MYO6: variants seen among roughly 807,000 people sequenced by gnomAD.
MYO6 encodes unconventional myosin-VI.
Under a neutral mutation model 178.7 loss-of-function variants are expected in MYO6, and 74 were observed. The ratio of observed to expected loss-of-function variants is 0.41; its 90% CI spans 0.34 to 0.50. The LOEUF is 0.50. Ranked by LOEUF, MYO6 falls within the 20% of genes least tolerant of loss-of-function variation. MYO6 has a pLI of 0.09. For synonymous variants in MYO6, 477 were observed against 504.6 expected, an observed-to-expected ratio of 0.95 and a Z score of 0.73; for missense variants, 1,330 against 1,547.4, an observed-to-expected ratio of 0.86 and a Z score of 2.36.
intron 1 of MYO6, among the ~76,000 whole-genome samples, chr6:75,803,680 A>T (rs1229812683): frequency 1.3e-5 from 2 of 152,072 alleles, no homozygotes; most frequent in African/African-American, 4.8e-5. Context: ...TAATGTTCAG[A>T]TATTTTCTTC....
rs775414466 is a variant in MYO6 at position 75,890,180 on chromosome 6, C to T, written c.2782C>T (p.Arg928Cys). ...QQEEEAERLR[R>C]IQEEMEKERK... Reference sequence around the variant, plus strand: ...GGAAGAGGAAGCAGAAAGGCTGAGGCGTATTCAAGAAGAAATGGAAAAGGA... The same window carrying T: ...GGAAGAGGAAGCAGAAAGGCTGAGGTGTATTCAAGAAGAAATGGAAAAGGA... Residue 928 changes from arginine to cysteine, a missense_variant, in exon 26 of 35, where the codon CGT becomes TGT. By Grantham distance (180) the Arg-to-Cys change is radical. Transcript: ENST00000369977. 1.6e-5 allele frequency: 26 copies of T among 1,608,358 alleles called. No individual in the cohort carries two copies. Among genetic ancestry groups the T allele is most frequent in the African/African-American group, 2.7e-5 (2 of 74,150 alleles).
chr6:75,873,955 A>G (rs1406824169), intron 20 of MYO6, among the ~76,000 whole-genome samples: 20 of 151,906 alleles, frequency 1.3e-4, no homozygotes, highest in Admixed American at 1.3e-3. Context: ...CTCCCTTCTC[A>G]CCAACACTAC....
rs542656902 is a variant in MYO6 at position 75,813,784 on chromosome 6, C to A, written c.-47-3717C>A. On this transcript the variant is annotated intron_variant, in intron 1 of 34. Coordinates refer to ENST00000369977, the MANE Select transcript of MYO6 (RefSeq NM_004999.4). Reference sequence around the variant, plus strand: ...TCTGCTGGGACTGGGTTCTTCCCCCCAAATCAGTGAGTTATCTTCTGCCTA... The same window carrying A: ...TCTGCTGGGACTGGGTTCTTCCCCCAAAATCAGTGAGTTATCTTCTGCCTA... 2.0e-5 allele frequency among the ~76,000 whole-genome samples: 3 copies of A among 152,232 alleles called. No homozygotes were observed. The East Asian group carries it at 5.8e-4, about 29-fold the overall frequency.
At chr6:75,771,556 C>T (rs1341469183) in intron 1 of MYO6, among the ~76,000 whole-genome samples, 1 of 152,052 alleles carries the variant, frequency 6.6e-6, no homozygotes, top group Non-Finnish European at 1.5e-5. Context: ...AAGATAGATC[C>T]TAAACAATTA....
intron 1 of MYO6, among the ~76,000 whole-genome samples, chr6:75,761,365 G>T (rs1777928804): frequency 6.6e-6 from 1 of 152,112 alleles, no homozygotes; most frequent in Admixed American, 6.6e-5. Context: ...ATGACCAGCT[G>T]TCACGACAGA....
intron 2 of MYO6, among the ~76,000 whole-genome samples, chr6:75,819,410 AATT>A (rs1426045851): frequency 3.3e-5 from 5 of 152,212 alleles, no homozygotes; most frequent in African/African-American, 4.8e-5. Flanking sequence ...GCTTCAAAAT[AATT>A]ATTAAGGAAT....
intron 1 of MYO6, among the ~76,000 whole-genome samples, chr6:75,802,312 T>C (rs1769549280): frequency 6.6e-6 from 1 of 151,504 alleles, no homozygotes; most frequent in Non-Finnish European, 1.5e-5. Context: ...CTACTAAAAA[T>C]ACAAAAATTA....
chr6:75,828,895 C>T (rs1302134702), intron 4 of MYO6, among the ~76,000 whole-genome samples: 2 of 151,964 alleles, frequency 1.3e-5, no homozygotes, highest in Admixed American at 6.6e-5. Context: ...TAAAAATGTC[C>T]AGTTTGAGTA....
At chr6:75,837,972 C>T (rs1773816267) in intron 7 of MYO6, among the ~76,000 whole-genome samples, 1 of 152,180 alleles carries the variant, frequency 6.6e-6, no homozygotes, top group African/African-American at 2.4e-5. Flanking sequence ...CCAGTTTCTT[C>T]CCCAGTAATG....
chr6:75,801,587 G>A (rs1417753023), intron 1 of MYO6, among the ~76,000 whole-genome samples: 2 of 152,056 alleles, frequency 1.3e-5, no homozygotes, highest in African/African-American at 4.8e-5. Flanking sequence ...GTAGAATACT[G>A]TCTTCAAAGC....
chr6:75,798,970 C>A (rs567771562), intron 1 of MYO6, among the ~76,000 whole-genome samples: 3 of 152,296 alleles, frequency 2.0e-5, no homozygotes, highest in Admixed American at 1.3e-4. Flanking sequence ...GACGTTCAAG[C>A]TGAAAGTCAA....
rs901807551 is a variant in MYO6 at position 75,782,460 on chromosome 6, C to T, written c.-48+33037C>T. Among the ~76,000 whole-genome samples, 4 of 151,380 alleles carry T rather than the reference C, an allele frequency of 2.6e-5. 1 individual carries two copies. In the South Asian group the frequency reaches 6.3e-4, roughly 24 times the overall value. On this transcript the variant is annotated intron_variant, in intron 1 of 34. Transcript: ENST00000369977. ...GCATGAAAGTATTTTTTTTGTCATT[C>T]TTTATAGCTGGTTAAAAGGAAAAAT...
chr6:75,857,509 A>C (rs191551872), intron 13 of MYO6, among the ~76,000 whole-genome samples: 1 of 152,300 alleles, frequency 6.6e-6, no homozygotes, highest in African/African-American at 2.4e-5. Flanking sequence ...AGAGTTAAGG[A>C]TATCTCTATA....
chr6:75,878,076 C>T (rs1156576385), intron 20 of MYO6, among the ~76,000 whole-genome samples: 7 of 152,050 alleles, frequency 4.6e-5, no homozygotes, highest in African/African-American at 1.4e-4. Context: ...TTTCCCCATA[C>T]GAATGATTTC....
chr6:75,865,920 A>G (rs1776626364), intron 16 of MYO6, among the ~76,000 whole-genome samples: 2 of 152,172 alleles, frequency 1.3e-5, no homozygotes, highest in South Asian at 4.1e-4. Context: ...ATGATTTGAT[A>G]TAAATGGTAT....
Position 75,914,082 on chromosome 6 carries a change from T to C in MYO6, c.3459T>C (p.Ala1153=), listed in dbSNP as rs1179288988. Residue 1153 remains alanine (A), a synonymous_variant, in exon 34 of 35, where the codon GCT becomes GCC. Transcript: ENST00000369977. ...TAATAGCTCAGCAAAACCCAGCAGC[T>C]CAGATTCCTGCCAGGCAGCGGGAGA... ...LNNSPQQNPA[A]QIPARQREIE... 6.2e-7 allele frequency: 1 copy of C among 1,614,126 alleles called. No individual in the cohort carries two copies. Among genetic ancestry groups the C allele is most frequent in the South Asian group, 1.1e-5 (1 of 91,088 alleles).
chr6:75,805,023 T>TA (rs1192462156), intron 1 of MYO6, among the ~76,000 whole-genome samples: 545 of 34,154 alleles, frequency 0.016, 2 homozygotes, highest in Middle Eastern at 0.052. Context: ...ATATATATAT[T>TA]TTTTTTTTTT....
At chr6:75,758,421 T>G (rs1201494167) in intron 1 of MYO6, among the ~76,000 whole-genome samples, 2 of 152,062 alleles carry the variant, frequency 1.3e-5, no homozygotes, top group Non-Finnish European at 2.9e-5. Flanking sequence ...CAGTGTTAAA[T>G]TTCGCACCTA....
chr6:75,782,649 A>G (rs904283632), intron 1 of MYO6, among the ~76,000 whole-genome samples: 1 of 152,040 alleles, frequency 6.6e-6, no homozygotes, highest in Non-Finnish European at 1.5e-5. Flanking sequence ...TTGCTCTGTT[A>G]TCCCATCTCT....
Sources: gnomAD v4.1 joint callset for allele counts (sites outside exome capture counted in the v4.1 genomes callset) on GRCh38, gnomAD v4.1.1 for gene constraint, MANE v1.5 for transcripts, NCBI Gene and HGNC (gene_info 2026-07-23, HGNC 2026-07-21) for gene names.